SEC11A: variants seen among roughly 807,000 people sequenced by gnomAD.
SEC11A encodes signal peptidase complex catalytic subunit SEC11A.
Under a neutral mutation model 25.6 loss-of-function variants are expected in SEC11A, and 14 were observed. The observed-to-expected ratio is 0.55, with a 90% CI of 0.36 to 0.85. The LOEUF is 0.85. SEC11A is among the 40% of genes least tolerant of loss of function. SEC11A has a pLI of 0.01. For synonymous variants in SEC11A, 83 were observed against 76.4 expected, an observed-to-expected ratio of 1.09 and a Z score of -0.45; for missense variants, 153 against 222.9, an observed-to-expected ratio of 0.69 and a Z score of 2.00.
chr15:84,678,273 G>T (rs899823135), intron 4 of SEC11A, among the ~76,000 whole-genome samples: 8 of 152,100 alleles, frequency 5.3e-5, no homozygotes, highest in African/African-American at 1.9e-4. Flanking sequence ...GGAACACTCA[G>T]TTGTACTAGC....
intron 3 of SEC11A, chr15:84,686,681 C>G (rs908266159): frequency 6.6e-6 from 1 of 152,156 alleles, no homozygotes; most frequent in African/African-American, 2.4e-5. Context: ...TACAGGATGC[C>G]TCCCTTTTCT....
intron 3 of SEC11A, among the ~76,000 whole-genome samples, chr15:84,683,384 AAAAC>A (rs57035460): frequency 0.39 from 59,371 of 150,534 alleles, 12,487 homozygotes; most frequent in African/African-American, 0.54. Flanking sequence ...ATTTGCTGGC[AAAAC>A]AAACAAACAA....
intron 5 of SEC11A, chr15:84,670,425 G>C (rs952429694): frequency 1.1e-5 from 3 of 269,574 alleles, no homozygotes; most frequent in Middle Eastern, 1.2e-3. Flanking sequence ...TTTTAGTAAA[G>C]ACAGGGTTTT....
intron 1 of SEC11A, among the ~76,000 whole-genome samples, chr15:84,702,440 T>C (rs1279170252): frequency 1.4e-5 from 2 of 147,262 alleles, no homozygotes; most frequent in Non-Finnish European, 3.0e-5. Flanking sequence ...CACTCCAGCC[T>C]GGGCAGCAAA....
intron 2 of SEC11A, among the ~76,000 whole-genome samples, chr15:84,689,579 T>G (rs1451208462): frequency 6.6e-6 from 1 of 151,042 alleles, no homozygotes; most frequent in African/African-American, 2.4e-5. Flanking sequence ...AAGCCCAAAA[T>G]ATGACAAAAC....
intron 1 of SEC11A, among the ~76,000 whole-genome samples, chr15:84,704,200 T>C (rs58399554): frequency 0.012 from 1,848 of 152,284 alleles, 36 homozygotes; most frequent in African/African-American, 0.041. Flanking sequence ...TTGTCCTTAG[T>C]ATTTCTGTCA....
chr15:84,675,675 C>T (rs1897114797), intron 4 of SEC11A, among the ~76,000 whole-genome samples: 1 of 152,104 alleles, frequency 6.6e-6, no homozygotes, highest in African/African-American at 2.4e-5. Flanking sequence ...TTTCTGTTCC[C>T]CGATCCTCTG....
intron 3 of SEC11A, among the ~76,000 whole-genome samples, chr15:84,684,301 T>A (rs1418217934): frequency 6.6e-6 from 1 of 152,148 alleles, no homozygotes; most frequent in Non-Finnish European, 1.5e-5. Context: ...AATTGAGTCA[T>A]GGGGGCAGGT....
chr15:84,708,280 T>C (rs939526925), intron 1 of SEC11A, among the ~76,000 whole-genome samples: 1 of 150,976 alleles, frequency 6.6e-6, no homozygotes, highest in African/African-American at 2.4e-5. Context: ...ATTTTACTTG[T>C]GATGTTCTTG....
intron 1 of SEC11A, among the ~76,000 whole-genome samples, chr15:84,707,479 C>T (rs369738304): frequency 1.3e-5 from 2 of 152,058 alleles, no homozygotes; most frequent in Non-Finnish European, 2.9e-5. Flanking sequence ...CCACCGTGCC[C>T]GGCTGAGGTT....
intron 1 of SEC11A, among the ~76,000 whole-genome samples, chr15:84,693,666 G>A (rs2141899537): frequency 6.6e-6 from 1 of 152,028 alleles, no homozygotes; most frequent in Admixed American, 6.6e-5. Flanking sequence ...TCACCATGCT[G>A]GCCAGACTGG....
intron 1 of SEC11A, among the ~76,000 whole-genome samples, chr15:84,711,717 C>A (rs1439559319): frequency 7.2e-6 from 1 of 138,680 alleles, no homozygotes; most frequent in Non-Finnish European, 1.5e-5. Flanking sequence ...TACTTGGTTG[C>A]GGTGAGCCGA....
At chr15:84,688,643 A>G (rs74769385) in intron 2 of SEC11A, among the ~76,000 whole-genome samples, 2,681 of 152,286 alleles carry the variant, frequency 0.018, 82 homozygotes, top group African/African-American at 0.062. Flanking sequence ...ACAAACTCCA[A>G]ACACTTTTGT....
Position 84,684,960 on chromosome 15 carries a change from C to G in SEC11A, c.311+2665G>C, listed in dbSNP as rs568223305. 2.0e-5 allele frequency among the ~76,000 whole-genome samples: 3 copies of G among 151,970 alleles called. No individual in the cohort carries two copies. In the South Asian group the frequency reaches 6.2e-4, roughly 32 times the overall value. ...GAAAAAACAAAAAACAAAAAAAACCCAAATGGTAATCCTGACCAGATATTT... is the reference window on the plus strand; with the variant it reads ...GAAAAAACAAAAAACAAAAAAAACCGAAATGGTAATCCTGACCAGATATTT... On this transcript the variant is annotated intron_variant, in intron 3 of 5. Transcript: ENST00000268220.
intron 4 of SEC11A, chr15:84,672,323 G>C: frequency 1.3e-5 from 2 of 155,562 alleles, no homozygotes; most frequent in Non-Finnish European, 2.8e-5. Context: ...CCGAGTCGAA[G>C]CTGGACTGTG....
At chr15:84,684,187 A>G (rs982444526) in intron 3 of SEC11A, among the ~76,000 whole-genome samples, 1 of 152,212 alleles carries the variant, frequency 6.6e-6, no homozygotes, top group African/African-American at 2.4e-5. Flanking sequence ...TCATCCAATT[A>G]TAATATCTCC....
chr15:84,688,595 T>C (rs1897498437), intron 2 of SEC11A, among the ~76,000 whole-genome samples: 1 of 152,180 alleles, frequency 6.6e-6, no homozygotes. Context: ...TAAGTAAGAA[T>C]AGAAAGACAA....
At chr15:84,675,505 G>A (rs1342334035) in intron 4 of SEC11A, among the ~76,000 whole-genome samples, 3 of 152,182 alleles carry the variant, frequency 2.0e-5, no homozygotes, top group Non-Finnish European at 4.4e-5. Flanking sequence ...AAGAGAATAT[G>A]CGATGACCAG....
intron 1 of SEC11A, among the ~76,000 whole-genome samples, chr15:84,713,729 T>C (rs1210970029): frequency 3.3e-5 from 5 of 152,214 alleles, no homozygotes; most frequent in Admixed American, 1.3e-4. Flanking sequence ...AAGAGTACCT[T>C]ATATATCTCT....
Sources: allele counts gnomAD v4.1 joint callset (sites outside exome capture counted in the v4.1 genomes callset), GRCh38; gene constraint gnomAD v4.1.1; transcripts MANE v1.5; gene names NCBI Gene and HGNC (gene_info 2026-07-23, HGNC 2026-07-21).